Variants in PTPRF observed in about 807,000 individuals in gnomAD.
The protein encoded by PTPRF is protein tyrosine phosphatase receptor type F.
PTPRF carries 59 observed loss-of-function variants against 201.8 expected under a neutral mutation model. The ratio of observed to expected loss-of-function variants is 0.29; its 90% CI spans 0.24 to 0.36. The LOEUF (loss-of-function observed/expected upper bound fraction) is 0.36, where lower values mean the gene tolerates loss of function less well. Ranked by LOEUF, PTPRF falls within the 10% of genes least tolerant of loss-of-function variation. The pLI is 1.00. For synonymous variants in PTPRF, 1,088 were observed against 1,089.7 expected, an observed-to-expected ratio of 1.00 and a Z score of 0.03; for missense variants, 2,132 against 2,690.5, an observed-to-expected ratio of 0.79 and a Z score of 4.59.
chr1:43,591,471 C>G lies in PTPRF; in HGVS notation c.1449C>G (p.Thr483=). The change falls in exon 9 of 34, where the codon ACC becomes ACG. Residue 483 remains threonine, a synonymous_variant. Coordinates refer to ENST00000359947, the MANE Select transcript of PTPRF (RefSeq NM_002840.5). ...TGGGCAGCCTGCTGCCTGGCATCACCTACAGCCTGCGCGTGCTTGCCTTCA... is the reference window on the plus strand; with the variant it reads ...TGGGCAGCCTGCTGCCTGGCATCACGTACAGCCTGCGCGTGCTTGCCTTCA... ...TTVGSLLPGI[T]YSLRVLAFTA... The G allele has an allele frequency of 6.3e-7, 1 of 1,597,938 alleles. No homozygotes were observed. Among genetic ancestry groups the G allele is most frequent in the Non-Finnish European group, 8.5e-7 (1 of 1,174,804 alleles).
In PTPRF at chr1:43,613,711, A is replaced by G; in HGVS notation, c.4067A>G (p.Tyr1356Cys). ...GATGGCCTCAAGTTCTCCCAGGAGT[A>G]TGAGGTGAGATGTTCCCGCCCCCTA... ...ANDGLKFSQEYESIDPGQQFT... is the reference protein window; with the variant it reads ...ANDGLKFSQECESIDPGQQFT... Residue 1356 changes from tyrosine to cysteine, a missense_variant, in exon 23 of 34, where the codon TAT becomes TGT. By Grantham distance (194) the Tyr-to-Cys change is radical. Transcript: ENST00000359947. 5 of 1,613,166 alleles carry G rather than the reference A, an allele frequency of 3.1e-6. No individual in the cohort carries two copies. The highest frequency in any genetic ancestry group is 4.2e-6 in the Non-Finnish European group (5 of 1,179,132).
At chr1:43,590,098 G>A (rs1050339170) in intron 8 of PTPRF, among the ~76,000 whole-genome samples, 1 of 152,064 alleles carries the variant, frequency 6.6e-6, no homozygotes, top group Non-Finnish European at 1.5e-5. Flanking sequence ...ACCCTGTCAC[G>A]CGCCAGCTGT....
At chr1:43,593,430 ACT>A (rs770991059) in intron 11 of PTPRF, among the ~76,000 whole-genome samples, 175 of 151,538 alleles carry the variant, frequency 1.2e-3, no homozygotes, top group Middle Eastern at 3.4e-3. Context: ...TGTGTGTGTG[ACT>A]CTGTGGTTGC....
chr1:43,601,631 G>T (rs1263463523), intron 13 of PTPRF, among the ~76,000 whole-genome samples: 3 of 152,216 alleles, frequency 2.0e-5, no homozygotes, highest in African/African-American at 4.8e-5. Flanking sequence ...ACAAGCACAG[G>T]CCAGGACTGT....
chr1:43,593,947 T>C (rs1342817619), intron 11 of PTPRF, among the ~76,000 whole-genome samples: 1 of 152,092 alleles, frequency 6.6e-6, no homozygotes, highest in East Asian at 2.0e-4. Flanking sequence ...GATGGTGCCA[T>C]TGTACTGCAG....
chr1:43,525,804 CAAAAAAAAAA>C (rs1179056466), upstream of PTPRF, among the ~76,000 whole-genome samples: 2 of 35,566 alleles, frequency 5.6e-5, no homozygotes, highest in Non-Finnish European at 9.3e-5. Context: ...GACTCAGTCT[CAAAAAAAAAA>C]AAAAAAAAAA....
chr1:43,570,679 A>G (rs991859961), intron 6 of PTPRF, among the ~76,000 whole-genome samples: 3 of 152,186 alleles, frequency 2.0e-5, no homozygotes, highest in Admixed American at 1.3e-4. Flanking sequence ...CTCCCCATCA[A>G]TTCCCACCAG....
At chr1:43,539,606 A>C (rs1644236590) in intron 2 of PTPRF, among the ~76,000 whole-genome samples, 1 of 152,164 alleles carries the variant, frequency 6.6e-6, no homozygotes, top group Non-Finnish European at 1.5e-5. Context: ...TGAGATGGGC[A>C]CTGGGGTTAT....
chr1:43,599,013 C>A, intron 13 of PTPRF, 100 bp downstream of exon 13: 2 of 1,288,452 alleles, frequency 1.6e-6, no homozygotes, highest in Non-Finnish European at 2.1e-6. Flanking sequence ...CCTGCCTGCC[C>A]TCAGCAGTGC....
At chr1:43,525,629 A>G (rs1643076035), upstream of PTPRF, among the ~76,000 whole-genome samples, 1 of 151,406 alleles carries the variant, frequency 6.6e-6, no homozygotes, top group Non-Finnish European at 1.5e-5. Flanking sequence ...ATATGGTGAA[A>G]CCCCGTCTCT....
chr1:43,529,564 C>A (rs1183498764), upstream of PTPRF, among the ~76,000 whole-genome samples: 2 of 152,120 alleles, frequency 1.3e-5, no homozygotes, highest in African/African-American at 4.8e-5. Context: ...TTTTTCTGCT[C>A]AGTTACCTGA....
At chr1:43,560,110 G>T (rs1485724464) in intron 5 of PTPRF, among the ~76,000 whole-genome samples, 1 of 151,402 alleles carries the variant, frequency 6.6e-6, no homozygotes, top group Non-Finnish European at 1.5e-5. Flanking sequence ...CAGGCAGTGT[G>T]TGTGTGTGTG....
At chr1:43,618,973 G>C in intron 26 of PTPRF, 75 bp from the exon 27 acceptor site, 1 of 1,533,348 alleles carries the variant, frequency 6.5e-7, no homozygotes, top group Non-Finnish European at 8.9e-7. Flanking sequence ...TATGGCCTCA[G>C]CATCAGGTCA....
intron 7 of PTPRF, among the ~76,000 whole-genome samples, chr1:43,581,820 G>A (rs890574197): frequency 1.3e-5 from 2 of 152,342 alleles, no homozygotes; most frequent in Admixed American, 6.5e-5. Context: ...AGCCTCAGAC[G>A]GCTTGATGTG....
chr1:43,522,291 C>CG (rs1361411188), upstream of PTPRF, among the ~76,000 whole-genome samples: 2 of 152,196 alleles, frequency 1.3e-5, no homozygotes, highest in Non-Finnish European at 2.9e-5. Flanking sequence ...GGAGGAGCGG[C>CG]GTCAGAAGGG....
chr1:43,540,330 G>C (rs562346167), intron 2 of PTPRF, among the ~76,000 whole-genome samples: 12 of 152,158 alleles, frequency 7.9e-5, no homozygotes, highest in African/African-American at 2.9e-4. Flanking sequence ...GAAAATTGGG[G>C]AGGGTCAGTG....
chr1:43,597,624 A>G lies in PTPRF; in HGVS notation c.1814-124A>G, dbSNP rs141931802. On this transcript the variant is annotated intron_variant, in intron 11 of 33. Coordinates refer to ENST00000359947, the MANE Select transcript of PTPRF (RefSeq NM_002840.5). The stretch of plus-strand genomic sequence containing the variant: ...GCAGCCTGCCTGGAGGGACCCTGGG[A>G]TGGCCATTTCAGCACCTAAGGGGTA... The G allele has an allele frequency of 9.1e-3, 6,393 of 705,798 alleles. 47 individuals carry two copies. The highest frequency in any genetic ancestry group is 0.015 in the Middle Eastern group (37 of 2,508). 43.7% of individuals were successfully genotyped at this position (705,798 alleles called of 1,614,324 possible). A position where few individuals can be genotyped will look rare whatever the true frequency, so the allele number is the denominator to read the frequency against.
Position 43,588,693 on chromosome 1 carries a change from T to C in PTPRF, c.680-38T>C. The C allele has an allele frequency of 6.2e-7, 1 of 1,606,956 alleles. No individual in the cohort carries two copies. The highest frequency in any genetic ancestry group is 8.5e-7 in the Non-Finnish European group (1 of 1,178,106). ...TGCCCTTCCATGCAGTCGTGTGTCC[T>C]GCCCGGCCTGTGAGTGCCTCTCTCC... On this transcript the variant is annotated intron_variant, in intron 7 of 33. Coordinates refer to ENST00000359947, the MANE Select transcript of PTPRF (RefSeq NM_002840.5). The surrounding 1 kb of genome is among the most constrained non-coding windows in gnomAD (Gnocchi z 5.3).
chr1:43,582,971 G>A (rs1199821949), intron 7 of PTPRF: 2 of 702,936 alleles, frequency 2.8e-6, no homozygotes, highest in Non-Finnish European at 3.5e-6. Flanking sequence ...TGCTGTGTGG[G>A]CAGATGAAGG....
Sources: allele counts gnomAD v4.1 joint callset (sites outside exome capture counted in the v4.1 genomes callset), GRCh38; gene constraint gnomAD v4.1.1; non-coding constraint Gnocchi (gnomAD v3.1); transcripts MANE v1.5; gene names NCBI Gene and HGNC (gene_info 2026-07-23, HGNC 2026-07-21).